The following TRAF7 variants were observed in gnomAD, a reference collection of about 807,000 sequenced individuals.
TRAF7 encodes the protein TNF receptor associated factor 7.
TRAF7 carries 45 observed loss-of-function variants against 89.3 expected under a neutral mutation model. The observed-to-expected ratio is 0.50, with a 90% confidence interval of 0.40 to 0.65. The LOEUF is 0.65. Ranked by LOEUF, TRAF7 falls within the 30% of genes least tolerant of loss-of-function variation. The pLI is 0.00. For missense variants in TRAF7, 677 were observed against 918.1 expected, an observed-to-expected ratio of 0.74 and a Z score of 3.39; for synonymous variants, 406 against 369.2, an observed-to-expected ratio of 1.10 and a Z score of -1.14.
Position 2,168,230 on chromosome 16 carries a change from G to A in TRAF7, c.231+62G>A. ...GCCTCCCCCCATCCTCCCTCCTGGG[G>A]GAACCAGGTCCCAGGAGGAGTTGAC... is the stretch of plus-strand genomic sequence containing the variant. On this transcript the variant is annotated intron_variant, in intron 4 of 20. Coordinates refer to ENST00000326181, the MANE Select transcript of TRAF7 (RefSeq NM_032271.3). This position sits in a 1 kb window ranked among gnomAD's most constrained non-coding sequence, Gnocchi z 4.1. The A allele has an allele frequency of 7.0e-7, 1 of 1,437,230 alleles. No homozygotes were observed. Among genetic ancestry groups the A allele is most frequent in the South Asian group, 1.2e-5 (1 of 82,048 alleles). The allele number at this position is 1,437,230 out of a possible 1,614,324, so 89.0% of individuals were successfully genotyped here.
chr16:2,168,802 C>T lies in TRAF7; in HGVS notation c.231+634C>T, dbSNP rs141731796. Among the ~76,000 whole-genome samples, 3 of 152,004 alleles carry T rather than the reference C, an allele frequency of 2.0e-5. No homozygotes were observed. The highest frequency in any genetic ancestry group is 3.9e-4 in the East Asian group (2 of 5,136). ...CGTTCCCTGCCATCCTGGTCAATGG[C>T]GCTCATTGCTGGGCTCTGGGCCTAC... On this transcript the variant is annotated intron_variant, in intron 4 of 20. Transcript: ENST00000326181. The surrounding 1 kb of genome is among the most constrained non-coding windows in gnomAD (Gnocchi z 4.1).
In TRAF7 at chr16:2,177,746, C is replaced by A. The variant is rs1450229407; in HGVS notation, c.*1172C>A. 4.1e-6 allele frequency: 1 copy of A among 244,136 alleles called. No individual in the cohort carries two copies. The highest frequency in any genetic ancestry group is 8.1e-6 in the Non-Finnish European group (1 of 124,142). The allele number at this position is 244,136 out of a possible 1,614,324, so 15.1% of individuals were successfully genotyped here. ...CCCACATTCACCAAACCCACCCGCG[C>A]CCTGGGACGCAGCCACGCCAGGAGG... On this transcript the variant is annotated 3_prime_UTR_variant, in exon 21 of 21. Transcript: ENST00000326181.
At chr16:2,156,662 C>T (rs1449690118) in intron 1 of TRAF7, among the ~76,000 whole-genome samples, 2 of 150,884 alleles carry the variant, frequency 1.3e-5, no homozygotes, top group African/African-American at 2.4e-5. Context: ...CCTGACGCAC[C>T]CCAGCAAGCA....
In TRAF7 at chr16:2,161,180, TC is replaced by T. The variant is rs1254602935; in HGVS notation, c.-38-2700del. On this transcript the variant is annotated intron_variant, in intron 1 of 20. Coordinates refer to ENST00000326181, the MANE Select transcript of TRAF7 (RefSeq NM_032271.3). This position sits in a 1 kb window ranked among gnomAD's most constrained non-coding sequence, Gnocchi z 5.2. Reference sequence around the variant, plus strand: ...TGTGCAGAGTATCCCCCTCCTTCCCTCCCTCCTTCCGTCCCCCTCCCTCCCT... The same window carrying T: ...TGTGCAGAGTATCCCCCTCCTTCCCTCCTCCTTCCGTCCCCCTCCCTCCCT... 2.3e-5 allele frequency among the ~76,000 whole-genome samples: 2 copies of T among 86,222 alleles called. No homozygotes were observed. The highest frequency in any genetic ancestry group is 4.5e-5 in the African/African-American group (1 of 22,100). The allele number at this position is 86,222 out of a possible 152,430, so 56.6% of individuals were successfully genotyped here.
chr16:2,168,031 C>A lies in TRAF7; in HGVS notation c.140-46C>A. 1.3e-6 allele frequency: 2 copies of A among 1,572,824 alleles called. No individual in the cohort carries two copies. The highest frequency in any genetic ancestry group is 1.1e-5 in the South Asian group (1 of 90,102). On this transcript the variant is annotated intron_variant, in intron 3 of 20. Transcript: ENST00000326181. This position sits in a 1 kb window ranked among gnomAD's most constrained non-coding sequence, Gnocchi z 4.1. ...AGCATGGGCCCCACCTCCCCCACAT[C>A]TGCTGAGGGAGCCCCCACTGAGACG... is the stretch of plus-strand genomic sequence containing the variant.
At chr16:2,164,837 C>T (rs1445742375) in intron 2 of TRAF7, among the ~76,000 whole-genome samples, 2 of 54,510 alleles carry the variant, frequency 3.7e-5, no homozygotes, top group Admixed American at 3.5e-4. Flanking sequence ...TGCTGTGTGG[C>T]GCAGCCTGGT....
chr16:2,166,302 TC>T (rs1289871027), intron 3 of TRAF7, among the ~76,000 whole-genome samples: 2 of 152,094 alleles, frequency 1.3e-5, no homozygotes, highest in Non-Finnish European at 2.9e-5. Flanking sequence ...CTCCGAAAGG[TC>T]CCGTGTGCCC....
chr16:2,157,697 G>A (rs955507312), intron 1 of TRAF7, among the ~76,000 whole-genome samples: 1 of 152,102 alleles, frequency 6.6e-6, no homozygotes, highest in Non-Finnish European at 1.5e-5. Context: ...AGAGCCTCCT[G>A]GCCAGGAGGC....
intron 5 of TRAF7, 37 bp from the exon 6 acceptor site, chr16:2,171,226 GC>G: frequency 6.6e-7 from 1 of 1,509,392 alleles, no homozygotes; most frequent in East Asian, 2.5e-5. Flanking sequence ...GCTGAGGGTG[GC>G]CTCCCGCCAT....
At chr16:2,175,071 C>G (rs768958363) in intron 14 of TRAF7, 40 bp from the exon 15 acceptor site, 4 of 1,613,516 alleles carry the variant, frequency 2.5e-6, no homozygotes, top group Non-Finnish European at 2.5e-6. Context: ...AGCATGGACA[C>G]AGCTTCTCCC....
rs2093070333 is a variant in TRAF7, at chr16:2,164,169, CGCGCGCGCGCGCACGCGTGCGTGTGT to C, written c.81+170_81+195del. On this transcript the variant is annotated intron_variant, in intron 2 of 20. Transcript: ENST00000326181. The stretch of plus-strand genomic sequence containing the variant: ...GTGTGTGTGTGTGTGTGCGCGCGCG[CGCGCGCGCGCGCACGCGTGCGTGTGT>C]GGTTGGGGCGTGTTAGTGCTGTGTG... Among the ~76,000 whole-genome samples the C allele has an allele frequency of 2.7e-5, 3 of 109,738 alleles. No individual in the cohort carries two copies. In the South Asian group the frequency reaches 8.5e-4, roughly 31 times the overall value. The allele number at this position is 109,738 out of a possible 152,430, so 72.0% of individuals were successfully genotyped here.
intron 7 of TRAF7, among the ~76,000 whole-genome samples, chr16:2,171,924 C>G (rs1209863658): frequency 6.6e-6 from 1 of 152,210 alleles, no homozygotes; most frequent in East Asian, 1.9e-4. Flanking sequence ...TCCCGCACGG[C>G]GCCCGCTCCT....
At chr16:2,169,353 G>C (rs1219487094) in intron 4 of TRAF7, among the ~76,000 whole-genome samples, 1 of 152,198 alleles carries the variant, frequency 6.6e-6, no homozygotes, top group Non-Finnish European at 1.5e-5. Flanking sequence ...CCGAGGGCGA[G>C]TTGGGTATGT....
chr16:2,166,572 T>G (rs2093087369), intron 3 of TRAF7, among the ~76,000 whole-genome samples: 1 of 152,144 alleles, frequency 6.6e-6, no homozygotes, highest in Admixed American at 6.5e-5. Flanking sequence ...GGCTAATTTT[T>G]TTTATGTTTG....
chr16:2,176,037 C>T lies in TRAF7; in HGVS notation c.1747-12C>T. On this transcript the variant is annotated splice_polypyrimidine_tract_variant and intron_variant, in intron 18 of 20. Transcript: ENST00000326181. ...TCAGTGTCTTTGACCTGCCTGTGCC[C>T]ACCCCTCCCAGGTGTGGGACATTGA... 6.2e-7 allele frequency: 1 copy of T among 1,607,670 alleles called. No individual in the cohort carries two copies. The highest frequency in any genetic ancestry group is 8.5e-7 in the Non-Finnish European group (1 of 1,176,284).
At position 2,178,066 on chromosome 16, in the gene TRAF7, TTTTG is replaced by T. The variant is rs1241504102; in HGVS notation, c.*1496_*1499del. 5 of 485,778 alleles carry T rather than the reference TTTTG, an allele frequency of 1.0e-5. No homozygotes were observed. In the East Asian group the frequency reaches 1.4e-4, roughly 14 times the overall value. The allele number at this position is 485,778 out of a possible 1,614,324, so 30.1% of individuals were successfully genotyped here. A position where few individuals can be genotyped will look rare whatever the true frequency, so the allele number is the denominator to read the frequency against. ...ATATATATTTGTTAAAGTTATACCT[TTTTG>T]TTTCTCTGGGGAAATCCGCCTCAGC... On this transcript the variant is annotated 3_prime_UTR_variant, in exon 21 of 21. Transcript: ENST00000326181.
At chr16:2,167,422 C>T (rs1046896096) in intron 3 of TRAF7, among the ~76,000 whole-genome samples, 4 of 152,228 alleles carry the variant, frequency 2.6e-5, no homozygotes, top group African/African-American at 4.8e-5. Context: ...GTGGACTGAC[C>T]GGCCGGTAGC....
Position 2,168,049 on chromosome 16 carries a change from C to CT in TRAF7, c.140-27dup, listed in dbSNP as rs2093093583. ...CCCACATCTGCTGAGGGAGCCCCCA[C>CT]TGAGACGCCAGCCCTCTTGCCTTGC... On this transcript the variant is annotated intron_variant, in intron 3 of 20. Transcript: ENST00000326181. This position sits in a 1 kb window ranked among gnomAD's most constrained non-coding sequence, Gnocchi z 4.1. 3 of 1,605,724 alleles carry CT rather than the reference C, an allele frequency of 1.9e-6. No homozygotes were observed. The highest frequency in any genetic ancestry group is 2.7e-5 in the African/African-American group (2 of 74,834).
rs1596675978 is a variant in TRAF7, at chr16:2,171,149, G to A, written c.349-115G>A. 19 of 818,390 alleles carry A rather than the reference G, an allele frequency of 2.3e-5. No homozygotes were observed. The South Asian group carries it at 2.7e-4, about 12-fold the overall frequency. The allele number at this position is 818,390 out of a possible 1,614,324, so 50.7% of individuals were successfully genotyped here. On this transcript the variant is annotated intron_variant, in intron 5 of 20. Coordinates refer to ENST00000326181, the MANE Select transcript of TRAF7 (RefSeq NM_032271.3). ...GCTCTAAGCAGGCCTCTCTCAGGAC[G>A]TGACCCTGTCCTCAGAGGACAGCCA... is the stretch of plus-strand genomic sequence containing the variant.
Sources: allele counts gnomAD v4.1 joint callset (sites outside exome capture counted in the v4.1 genomes callset), GRCh38; gene constraint gnomAD v4.1.1; non-coding constraint Gnocchi (gnomAD v3.1); transcripts MANE v1.5; gene names NCBI Gene and HGNC (gene_info 2026-07-23, HGNC 2026-07-21).